MMP26: variants seen among roughly 807,000 people sequenced by gnomAD.
MMP26 encodes the protein matrix metalloproteinase-26.
In MMP26, 33 loss-of-function variants were observed where a neutral mutation model predicts 31.0. The ratio of observed to expected loss-of-function variants is 1.06; its 90% CI spans 0.81 to 1.42. The LOEUF is 1.42. Ranked by LOEUF, MMP26 falls within the 40% of genes most tolerant of loss-of-function variation. MMP26 has a pLI of 0.00. For missense variants in MMP26, 347 were observed against 316.1 expected (o/e 1.10, Z -0.74); for synonymous variants, 122 against 114.9 (o/e 1.06, Z -0.40).
chr11:4,705,648 G>A (rs12271916), intron 1 of MMP26, among the ~76,000 whole-genome samples: 24,458 of 152,100 alleles, frequency 0.16, 3,823 homozygotes, highest in African/African-American at 0.4. Context: ...ATTAGTTTTA[G>A]CGCAGGACAA....
intron 4 of MMP26, among the ~76,000 whole-genome samples, chr11:4,990,364 T>C (rs1049569354): frequency 1.3e-5 from 2 of 152,222 alleles, no homozygotes; most frequent in African/African-American, 4.8e-5. Context: ...TCTTAGACTT[T>C]AGCTGACCTA....
chr11:4,945,838 G>T, intron 2 of MMP26: 1 of 356,814 alleles, frequency 2.8e-6, no homozygotes, highest in Non-Finnish European at 5.2e-6. Context: ...ATAAGAGATT[G>T]AATGTAGATA....
chr11:4,770,396 T>A (rs939681743), intron 2 of MMP26, among the ~76,000 whole-genome samples: 53 of 152,202 alleles, frequency 3.5e-4, no homozygotes, highest in Admixed American at 3.9e-4. Context: ...GAATATAAAG[T>A]TATCAATGTA....
intron 2 of MMP26, among the ~76,000 whole-genome samples, chr11:4,880,491 A>G (rs1240482954): frequency 6.6e-6 from 1 of 152,084 alleles, no homozygotes; most frequent in Admixed American, 6.6e-5. Context: ...GAGGAGAAAG[A>G]AGAGAAAAAG....
At chr11:4,763,080 C>G (rs1196011250) in intron 1 of MMP26, among the ~76,000 whole-genome samples, 2 of 152,114 alleles carry the variant, frequency 1.3e-5, no homozygotes, top group Non-Finnish European at 2.9e-5. Context: ...AATCTTACAT[C>G]TATGTTGAAA....
chr11:4,705,247 C>T (rs966310918), intron 1 of MMP26, among the ~76,000 whole-genome samples: 1 of 151,944 alleles, frequency 6.6e-6, no homozygotes. Flanking sequence ...CAGTCATCAG[C>T]ATGTGTTTGT....
chr11:4,948,160 A>G lies in MMP26; in HGVS notation c.-144-39908A>G, dbSNP rs1172604567. On this transcript the variant is annotated intron_variant, in intron 2 of 7. Transcript: ENST00000380390. ...TTACCAAATCTTCCCTGTTTAAGGG[A>G]CCTACTTCGGTAATAAGACTTTATG... 1.6e-5 allele frequency among the ~76,000 whole-genome samples: 2 copies of G among 124,740 alleles called. 1 individual carries two copies. Among genetic ancestry groups the G allele is most frequent in the Admixed American group, 1.8e-4 (2 of 11,202 alleles). 81.8% of individuals were successfully genotyped at this position (124,740 alleles called of 152,430 possible).
At chr11:4,920,783 C>T (rs2133580413) in intron 2 of MMP26, among the ~76,000 whole-genome samples, 1 of 152,204 alleles carries the variant, frequency 6.6e-6, no homozygotes, top group Admixed American at 6.5e-5. Flanking sequence ...TTATGGTTTA[C>T]CATCATATGT....
At chr11:4,919,234 C>A (rs963430221) in intron 2 of MMP26, 1 of 152,334 alleles carries the variant, frequency 6.6e-6, no homozygotes, top group Non-Finnish European at 1.5e-5. Flanking sequence ...TCTACCATTT[C>A]TCTCTCCAAA....
At chr11:4,811,155 C>T (rs985488612) in intron 2 of MMP26, among the ~76,000 whole-genome samples, 2 of 152,146 alleles carry the variant, frequency 1.3e-5, no homozygotes, top group African/African-American at 4.8e-5. Context: ...TGACATTGTA[C>T]ATTGGAATTT....
chr11:4,901,789 A>T (rs1217645625), intron 2 of MMP26, among the ~76,000 whole-genome samples: 1 of 152,060 alleles, frequency 6.6e-6, no homozygotes, highest in Non-Finnish European at 1.5e-5. Flanking sequence ...TTTGACAAGA[A>T]TGCCAATATA....
chr11:4,807,470 A>G (rs1326174773), intron 2 of MMP26, among the ~76,000 whole-genome samples: 1 of 152,190 alleles, frequency 6.6e-6, no homozygotes, highest in Non-Finnish European at 1.5e-5. Context: ...CTTTGCAGGG[A>G]CATGGATGAA....
rs189347056 is a variant in MMP26, at chr11:4,757,767, A to G, written c.-216-9503A>G. Among the ~76,000 whole-genome samples, 18 of 151,826 alleles carry G rather than the reference A, an allele frequency of 1.2e-4. No individual in the cohort carries two copies. The East Asian group carries it at 3.5e-3, about 29-fold the overall frequency. On this transcript the variant is annotated intron_variant, in intron 1 of 7. Transcript: ENST00000380390. ...TGCTATAAAATACCTTTATCCACCC[A>G]CTAGAATGGCTATAAATAAGAAACA...
chr11:4,866,716 G>A (rs766546869), intron 2 of MMP26, among the ~76,000 whole-genome samples: 1 of 152,078 alleles, frequency 6.6e-6, no homozygotes, highest in Non-Finnish European at 1.5e-5. Flanking sequence ...AAACAGCATG[G>A]TACAGGTACA....
intron 2 of MMP26, among the ~76,000 whole-genome samples, chr11:4,942,136 T>A (rs1846220108): frequency 8.4e-6 from 1 of 118,772 alleles, no homozygotes; most frequent in Admixed American, 8.9e-5. Flanking sequence ...CTCAGACTGC[T>A]GCCAAGAAGA....
chr11:4,860,933 A>G (rs895391569), intron 2 of MMP26, among the ~76,000 whole-genome samples: 14 of 151,998 alleles, frequency 9.2e-5, no homozygotes, highest in Non-Finnish European at 1.3e-4. Flanking sequence ...AACATAGAGC[A>G]TATTGCTAAA....
intron 2 of MMP26, among the ~76,000 whole-genome samples, chr11:4,975,480 C>CA (rs1388043924): frequency 6.6e-6 from 1 of 151,990 alleles, no homozygotes; most frequent in East Asian, 1.9e-4. Flanking sequence ...TTTATTCTAT[C>CA]AGGGCTTGTA....
At chr11:4,907,248 C>T in intron 2 of MMP26, 2 of 618,000 alleles carry the variant, frequency 3.2e-6, no homozygotes, top group South Asian at 2.1e-5. Context: ...GCCAAATATG[C>T]CTTTGAGTAT....
intron 2 of MMP26, among the ~76,000 whole-genome samples, chr11:4,972,505 T>A (rs189988250): frequency 6.6e-6 from 1 of 152,316 alleles, no homozygotes; most frequent in East Asian, 1.9e-4. Context: ...TTATTGCCCA[T>A]CTTAATTTCA....
Sources: gnomAD v4.1 joint callset for allele counts (sites outside exome capture counted in the v4.1 genomes callset) on GRCh38, gnomAD v4.1.1 for gene constraint, MANE v1.5 for transcripts, NCBI Gene and HGNC (gene_info 2026-07-23, HGNC 2026-07-21) for gene names.